SVOPL: variants seen among roughly 807,000 people sequenced by gnomAD.
SVOPL encodes the protein SVOP like.
A neutral mutation model predicts 61.0 loss-of-function variants in SVOPL; 60 were observed. The observed-to-expected ratio is 0.98, with a 90% CI of 0.80 to 1.22. The LOEUF is 1.22. SVOPL is among the 50% of genes most tolerant of loss of function. The pLI is 0.00. For missense variants in SVOPL, 662 were observed against 643.9 expected, an observed-to-expected ratio of 1.03 and a Z score of -0.30; for synonymous variants, 279 against 250.0, an observed-to-expected ratio of 1.12 and a Z score of -1.09.
chr7:138,691,150 A>G (rs1258864154), intron 1 of SVOPL, among the ~76,000 whole-genome samples: 1 of 152,216 alleles, frequency 6.6e-6, no homozygotes, highest in Non-Finnish European at 1.5e-5. Context: ...TTTTTTAAAA[A>G]CAGAAAAATA....
chr7:138,657,258 A>C (rs1801792549), intron 6 of SVOPL, among the ~76,000 whole-genome samples: 1 of 151,872 alleles, frequency 6.6e-6, no homozygotes, highest in Non-Finnish European at 1.5e-5. Context: ...TGGGCTCAAG[A>C]GATCTTCTCA....
chr7:138,648,781 G>A (rs1204060069), intron 8 of SVOPL, among the ~76,000 whole-genome samples: 1 of 151,866 alleles, frequency 6.6e-6, no homozygotes, highest in Non-Finnish European at 1.5e-5. Flanking sequence ...AATTAGCTGG[G>A]TATGGTGGCA....
At chr7:138,644,612 C>A in intron 9 of SVOPL, 105 bp downstream of exon 9, 1 of 1,445,276 alleles carries the variant, frequency 6.9e-7, no homozygotes, top group South Asian at 1.5e-5. Context: ...GCCTCTCAGA[C>A]AGGACTAGAG....
intron 3 of SVOPL, among the ~76,000 whole-genome samples, chr7:138,673,078 AG>A (rs1802470914): frequency 1.3e-5 from 2 of 152,148 alleles, no homozygotes; most frequent in Admixed American, 6.6e-5. Context: ...GGTTATCAGG[AG>A]GAAAAAAAGG....
chr7:138,596,726 G>A, intron 14 of SVOPL, 196 bp from the exon 15 acceptor site: 1 of 1,287,992 alleles, frequency 7.8e-7, no homozygotes, highest in Non-Finnish European at 9.9e-7. Flanking sequence ...TCCAAGAACA[G>A]GAACTGGTAT....
intron 7 of SVOPL, among the ~76,000 whole-genome samples, chr7:138,649,542 C>G (rs1801316359): frequency 6.6e-6 from 1 of 152,050 alleles, no homozygotes; most frequent in African/African-American, 2.4e-5. Context: ...AATGATCCAC[C>G]CACGTTAGCC....
chr7:138,686,068 A>G (rs1166576051), intron 1 of SVOPL, among the ~76,000 whole-genome samples: 1 of 152,042 alleles, frequency 6.6e-6, no homozygotes, highest in Admixed American at 6.6e-5. Context: ...ACAGAAACAA[A>G]AAAATCTCAA....
intron 9 of SVOPL, among the ~76,000 whole-genome samples, chr7:138,641,412 T>C (rs1812928): frequency 0.16 from 24,523 of 152,002 alleles, 2,242 homozygotes; most frequent in African/African-American, 0.26. Context: ...GCCTCACGCC[T>C]GTAATCCCAG....
intron 1 of SVOPL, among the ~76,000 whole-genome samples, chr7:138,697,618 AAAAAAAAAAAAAG>A (rs1488599333): frequency 7.2e-6 from 1 of 139,106 alleles, no homozygotes; most frequent in Non-Finnish European, 1.5e-5. Flanking sequence ...CCTCAAAAAA[AAAAAAAAAAAAAG>A]AAGAAGAAGA....
At position 138,642,459 on chromosome 7, in the gene SVOPL, A is replaced by T. The variant is rs1800860616; in HGVS notation, c.789+2258T>A. ...AGGGCACATTATCGCATAGATTTTT[A>T]AAATTCAGAACACTGAAAACATTAT... On this transcript the variant is annotated intron_variant, in intron 9 of 15. Transcript: ENST00000674285. Among the ~76,000 whole-genome samples the T allele has an allele frequency of 1.3e-5, 2 of 152,078 alleles. 1 individual carries two copies. Among genetic ancestry groups the T allele is most frequent in the African/African-American group, 4.8e-5 (2 of 41,414 alleles).
At chr7:138,700,335 C>CTT (rs776461183) in intron 1 of SVOPL, among the ~76,000 whole-genome samples, 1,256 of 99,742 alleles carry the variant, frequency 0.013, 38 homozygotes, top group African/African-American at 0.019. Context: ...TTCCGTATGT[C>CTT]TTTTTTTTTT....
intron 9 of SVOPL, among the ~76,000 whole-genome samples, chr7:138,635,853 T>C (rs1190345034): frequency 6.6e-6 from 1 of 152,114 alleles, no homozygotes; most frequent in Non-Finnish European, 1.5e-5. Flanking sequence ...GTTATAAAGC[T>C]ATAAAAATAC....
chr7:138,698,080 G>T (rs544125870), intron 1 of SVOPL, among the ~76,000 whole-genome samples: 71 of 151,188 alleles, frequency 4.7e-4, no homozygotes, highest in African/African-American at 1.6e-3. Context: ...AAAAAGAAAG[G>T]AAGGAGGGAA....
At chr7:138,695,625 G>A (rs296920) in intron 1 of SVOPL, among the ~76,000 whole-genome samples, 6 of 151,994 alleles carry the variant, frequency 3.9e-5, no homozygotes, top group Non-Finnish European at 7.4e-5. Context: ...GACCTGGGGG[G>A]GCTTCTGTAG....
Position 138,627,320 on chromosome 7 carries a change from C to G in SVOPL, c.1181+30G>C, listed in dbSNP as rs199699331. On this transcript the variant is annotated intron_variant, in intron 12 of 15. Transcript: ENST00000674285. ...GAGACTCCATTTAGAAACCACTGCA[C>G]AAAATCTGAAGCAATTAAACAGAAA... 1.5e-5 allele frequency: 24 copies of G among 1,566,458 alleles called. No individual in the cohort carries two copies. The East Asian group carries it at 5.4e-4, about 35-fold the overall frequency.
At chr7:138,632,472 T>C (rs1800253210) in intron 9 of SVOPL, among the ~76,000 whole-genome samples, 2 of 151,732 alleles carry the variant, frequency 1.3e-5, no homozygotes, top group Non-Finnish European at 2.9e-5. Context: ...AGAAGATCAC[T>C]TAATGGGCAT....
chr7:138,617,980 C>A (rs951806194), intron 14 of SVOPL, among the ~76,000 whole-genome samples: 1 of 152,120 alleles, frequency 6.6e-6, no homozygotes, highest in Non-Finnish European at 1.5e-5. Flanking sequence ...AGGAAAGTGA[C>A]TAATTAGCTC....
At chr7:138,632,540 T>C (rs1444835479) in intron 9 of SVOPL, among the ~76,000 whole-genome samples, 1 of 147,540 alleles carries the variant, frequency 6.8e-6, no homozygotes, top group African/African-American at 2.5e-5. Flanking sequence ...GAGGAGGAAG[T>C]GGGAACAGAA....
At chr7:138,637,465 T>TAG (rs1554463023) in intron 9 of SVOPL, among the ~76,000 whole-genome samples, 1 of 13,604 alleles carries the variant, frequency 7.4e-5, no homozygotes, top group Non-Finnish European at 1.5e-4. Context: ...GATATATATA[T>TAG]ATAGATATAG....
Sources: gnomAD v4.1 joint callset for allele counts (sites outside exome capture counted in the v4.1 genomes callset) on GRCh38, gnomAD v4.1.1 for gene constraint, MANE v1.5 for transcripts, NCBI Gene and HGNC (gene_info 2026-07-23, HGNC 2026-07-21) for gene names.